PAWR: variants seen among roughly 807,000 people sequenced by gnomAD.
The protein encoded by PAWR is pro-apoptotic WT1 regulator.
A neutral mutation model predicts 32.0 loss-of-function variants in PAWR; 23 were observed. The observed-to-expected ratio is 0.72, with a 90% confidence interval of 0.52 to 1.02. The LOEUF (loss-of-function observed/expected upper bound fraction) is 1.02. PAWR is among the 50% of genes least tolerant of loss of function. The pLI is 0.00. For missense variants in PAWR, 457 were observed against 437.7 expected (o/e 1.04, Z -0.39); for synonymous variants, 226 against 187.1 (o/e 1.21, Z -1.70).
At chr12:79,690,504 C>G in intron 1 of PAWR, 113 bp from the exon 2 acceptor site, 1 of 511,682 alleles carries the variant, frequency 2.0e-6, no homozygotes, top group Non-Finnish European at 3.0e-6. Flanking sequence ...CCACCAGTCA[C>G]TACCGGCCAG....
intron 2 of PAWR, among the ~76,000 whole-genome samples, chr12:79,639,508 T>A (rs1352825391): frequency 6.6e-6 from 1 of 152,190 alleles, no homozygotes; most frequent in African/African-American, 2.4e-5. Context: ...TCTGTAAAGT[T>A]CATCTTTAGC....
At chr12:79,667,937 C>G (rs1877691212) in intron 2 of PAWR, 1 of 147,024 alleles carries the variant, frequency 6.8e-6, no homozygotes, top group South Asian at 2.1e-4. Context: ...GAGTTTTGCT[C>G]TTGTTGCCCA....
At position 79,621,058 on chromosome 12, in the gene PAWR, GTAT is replaced by G. The variant is rs745437311; in HGVS notation, c.648+15_648+17del. The G allele has an allele frequency of 6.4e-7, 1 of 1,573,988 alleles. No individual in the cohort carries two copies. Among genetic ancestry groups the G allele is most frequent in the Admixed American group, 1.9e-5 (1 of 53,314 alleles). On this transcript the variant is annotated intron_variant, in intron 3 of 6. Transcript: ENST00000328827. ...CATTAAAATAGATAGTGACTTCCTG[GTAT>G]TTTTAAATACTCACCTGTAGCAGAT...
At chr12:79,595,638 G>A (rs1465285686) in intron 5 of PAWR, among the ~76,000 whole-genome samples, 1 of 152,166 alleles carries the variant, frequency 6.6e-6, no homozygotes, top group Non-Finnish European at 1.5e-5. Flanking sequence ...CCTGAGGTTA[G>A]GAATTCAAGA....
rs1555180541 is a variant in PAWR, at chr12:79,690,119, C to CG, written c.125dup (p.Gly44ArgfsTer83). Reference sequence around the variant, plus strand: ...CAGCGGCGTCGCTGCTGCCCCCTCCCGGGGGGGCCGGGCCCGGGGGGTTCT... The same window carrying CG: ...CAGCGGCGTCGCTGCTGCCCCCTCCCGGGGGGGGCCGGGCCCGGGGGGTTCT... On this transcript the variant is annotated frameshift_variant, in exon 2 of 7. Transcript: ENST00000328827. LOFTEE classifies it high-confidence loss of function. The CG allele has an allele frequency of 1.3e-5, 19 of 1,499,714 alleles. No homozygotes were observed. The highest frequency in any genetic ancestry group is 5.7e-5 in the East Asian group (2 of 35,216). The allele number at this position is 1,499,714 out of a possible 1,614,324, so 92.9% of individuals were successfully genotyped here.
chr12:79,623,551 A>C (rs1474145605), intron 2 of PAWR, among the ~76,000 whole-genome samples: 1 of 152,204 alleles, frequency 6.6e-6, no homozygotes, highest in Non-Finnish European at 1.5e-5. Context: ...TTCCCAAAGT[A>C]ACATCAATAG....
At chr12:79,635,038 T>C (rs894056838) in intron 2 of PAWR, among the ~76,000 whole-genome samples, 4 of 152,140 alleles carry the variant, frequency 2.6e-5, no homozygotes, top group African/African-American at 9.7e-5. Flanking sequence ...TAACCTCACA[T>C]ATCCTAATCT....
chr12:79,638,545 A>G (rs1876078337), intron 2 of PAWR, among the ~76,000 whole-genome samples: 1 of 152,020 alleles, frequency 6.6e-6, no homozygotes. Context: ...TCTCATTTTT[A>G]ACTTAACTAA....
intron 2 of PAWR, among the ~76,000 whole-genome samples, chr12:79,668,605 T>C (rs952090067): frequency 6.6e-6 from 1 of 152,034 alleles, no homozygotes; most frequent in Non-Finnish European, 1.5e-5. Context: ...TCATAAGGAG[T>C]GCACAACCTA....
At chr12:79,621,664 T>C (rs1875024292) in intron 2 of PAWR, among the ~76,000 whole-genome samples, 1 of 152,142 alleles carries the variant, frequency 6.6e-6, no homozygotes, top group African/African-American at 2.4e-5. Flanking sequence ...TCTATGAGCA[T>C]ATAAAGGAAG....
chr12:79,637,757 T>C (rs1332553672), intron 2 of PAWR, among the ~76,000 whole-genome samples: 3 of 151,920 alleles, frequency 2.0e-5, no homozygotes, highest in Admixed American at 1.3e-4. Context: ...ACTAGAAAGC[T>C]TGGGAACTGA....
intron 2 of PAWR, among the ~76,000 whole-genome samples, chr12:79,676,297 C>T (rs1406416438): frequency 2.0e-5 from 3 of 152,016 alleles, no homozygotes; most frequent in Non-Finnish European, 4.4e-5. Flanking sequence ...CTTTCTTCAC[C>T]CATAATTAAT....
intron 2 of PAWR, among the ~76,000 whole-genome samples, chr12:79,633,165 C>G (rs1048380747): frequency 6.6e-6 from 1 of 151,810 alleles, no homozygotes; most frequent in African/African-American, 2.4e-5. Context: ...AAAAAACTAT[C>G]AAAATTAAAA....
At chr12:79,686,894 C>T (rs982479769) in intron 2 of PAWR, among the ~76,000 whole-genome samples, 2 of 152,078 alleles carry the variant, frequency 1.3e-5, no homozygotes, top group Non-Finnish European at 2.9e-5. Context: ...ATGCCTTATC[C>T]TTCTTCCTAG....
At chr12:79,648,793 G>GAAAAAA (rs376381774) in intron 2 of PAWR, among the ~76,000 whole-genome samples, 1 of 120,416 alleles carries the variant, frequency 8.3e-6, no homozygotes, top group African/African-American at 4.7e-5. Flanking sequence ...ACAGGGGCTA[G>GAAAAAA]AAAAAAAAAA....
At chr12:79,608,572 AC>A (rs1269865843) in intron 4 of PAWR, among the ~76,000 whole-genome samples, 1 of 151,868 alleles carries the variant, frequency 6.6e-6, no homozygotes, top group Admixed American at 6.6e-5. Flanking sequence ...AGGGGTGGGG[AC>A]CCCTGGCTTA....
chr12:79,651,865 C>G (rs533387958), intron 2 of PAWR, among the ~76,000 whole-genome samples: 1 of 152,132 alleles, frequency 6.6e-6, no homozygotes, highest in Non-Finnish European at 1.5e-5. Context: ...CAGTATCTAC[C>G]AAGCTACCAA....
intron 2 of PAWR, among the ~76,000 whole-genome samples, chr12:79,636,003 A>G (rs900582555): frequency 1.3e-5 from 2 of 152,002 alleles, no homozygotes; most frequent in African/African-American, 4.8e-5. Context: ...TCATAAATAC[A>G]AAAAAAATCA....
chr12:79,632,370 T>TC (rs2136749540), intron 2 of PAWR, among the ~76,000 whole-genome samples: 1 of 101,156 alleles, frequency 9.9e-6, no homozygotes, highest in Non-Finnish European at 1.8e-5. Context: ...TATTTTTTTT[T>TC]TTTTTTAGAC....
Sources: allele counts gnomAD v4.1 joint callset (sites outside exome capture counted in the v4.1 genomes callset), GRCh38; gene constraint gnomAD v4.1.1; transcripts MANE v1.5; gene names NCBI Gene and HGNC (gene_info 2026-07-23, HGNC 2026-07-21).